Variants in STXBP4 observed in about 807,000 individuals in gnomAD.
The protein encoded by STXBP4 is syntaxin binding protein 4.
STXBP4 carries 55 observed loss-of-function variants against 76.1 expected under a neutral mutation model. The observed-to-expected ratio is 0.72, with a 90% confidence interval of 0.58 to 0.91. The LOEUF (loss-of-function observed/expected upper bound fraction) is 0.91, where lower values mean the gene tolerates loss of function less well. Ranked by LOEUF, STXBP4 falls within the 40% of genes least tolerant of loss-of-function variation. The pLI is 0.00. For synonymous variants in STXBP4, 201 were observed against 220.2 expected, an observed-to-expected ratio of 0.91 and a Z score of 0.77; for missense variants, 618 against 636.9, an observed-to-expected ratio of 0.97 and a Z score of 0.32.
chr17:55,012,158 G>A (rs867349210), intron 8 of STXBP4, among the ~76,000 whole-genome samples: 4 of 152,298 alleles, frequency 2.6e-5, no homozygotes, highest in Middle Eastern at 3.4e-3. Flanking sequence ...CTGCAGTGCA[G>A]GGGATTATTT....
At chr17:55,037,929 T>C (rs181165579) in intron 10 of STXBP4, among the ~76,000 whole-genome samples, 4 of 152,282 alleles carry the variant, frequency 2.6e-5, no homozygotes, top group Admixed American at 2.0e-4. Context: ...TGTTTTGCAG[T>C]GTAATTCCCT....
chr17:55,128,748 T>C (rs1317051211), intron 16 of STXBP4, among the ~76,000 whole-genome samples: 1 of 151,974 alleles, frequency 6.6e-6, no homozygotes, highest in Non-Finnish European at 1.5e-5. Flanking sequence ...CCCAAGTAGC[T>C]GGGATTACAG....
intron 7 of STXBP4, among the ~76,000 whole-genome samples, chr17:55,006,848 G>A (rs1192329028): frequency 6.6e-6 from 1 of 152,116 alleles, no homozygotes; most frequent in Non-Finnish European, 1.5e-5. Context: ...ACTTTTGCCA[G>A]TCGAAAAAAT....
At chr17:55,129,497 G>A (rs1215280157) in intron 16 of STXBP4, among the ~76,000 whole-genome samples, 1 of 152,116 alleles carries the variant, frequency 6.6e-6, no homozygotes, top group Non-Finnish European at 1.5e-5. Context: ...GAGGCTTGAG[G>A]CAGGAAGATC....
In STXBP4 at chr17:54,969,541, T is replaced by G. The variant is rs544145066; in HGVS notation, c.-157+726T>G. On this transcript the variant is annotated intron_variant, in intron 1 of 17. Coordinates refer to ENST00000376352, the MANE Select transcript of STXBP4 (RefSeq NM_178509.6). Reference sequence around the variant, plus strand: ...TCCTCTAAGACCTGGTGTCCTTACTTGTAAAATGGAAATCAGAACAGTAAA... The same window carrying G: ...TCCTCTAAGACCTGGTGTCCTTACTGGTAAAATGGAAATCAGAACAGTAAA... Among the ~76,000 whole-genome samples, 3 of 152,312 alleles carry G rather than the reference T, an allele frequency of 2.0e-5. No individual in the cohort carries two copies. The South Asian group carries it at 6.2e-4, about 32-fold the overall frequency.
At chr17:55,206,146 A>T in the STXBP4 span, among the ~76,000 whole-genome samples, 1 of 152,264 alleles carries the variant, frequency 6.6e-6, no homozygotes, top group East Asian at 1.9e-4. Context: ...TATTCCATAT[A>T]CATTATGTGT....
chr17:55,101,980 A>G (rs1005458082), intron 16 of STXBP4, among the ~76,000 whole-genome samples: 4 of 151,138 alleles, frequency 2.6e-5, no homozygotes, highest in African/African-American at 7.3e-5. Flanking sequence ...TATAACGACA[A>G]TAATTGAAAA....
intron 9 of STXBP4, among the ~76,000 whole-genome samples, chr17:55,033,203 G>A (rs1467613514): frequency 1.3e-5 from 2 of 151,724 alleles, no homozygotes; most frequent in South Asian, 2.1e-4. Flanking sequence ...GTGAAACCCC[G>A]TCTCTATTAA....
chr17:55,118,532 T>C (rs1263399930), intron 16 of STXBP4, among the ~76,000 whole-genome samples: 1 of 151,012 alleles, frequency 6.6e-6, no homozygotes, highest in Non-Finnish European at 1.5e-5. Flanking sequence ...TGGCAAGTTG[T>C]CTATACCAGT....
chr17:55,017,401 T>C (rs1167651915), intron 8 of STXBP4, among the ~76,000 whole-genome samples: 1 of 152,108 alleles, frequency 6.6e-6, no homozygotes, highest in Non-Finnish European at 1.5e-5. Context: ...GGGACAAGAC[T>C]CCCTGGGTTT....
At chr17:55,188,349 A>G in the STXBP4 span, among the ~76,000 whole-genome samples, 2 of 152,182 alleles carry the variant, frequency 1.3e-5, no homozygotes, top group Admixed American at 1.3e-4. Flanking sequence ...CCTGGGAAAT[A>G]TGGCATGATG....
chr17:55,015,366 TG>T (rs1479050164), intron 8 of STXBP4, among the ~76,000 whole-genome samples: 2 of 152,214 alleles, frequency 1.3e-5, no homozygotes, highest in Admixed American at 6.5e-5. Context: ...CTCTTTCCTC[TG>T]TTGTCATCCT....
At chr17:55,041,228 CTT>C (rs373020633) in intron 10 of STXBP4, among the ~76,000 whole-genome samples, 285 of 122,180 alleles carry the variant, frequency 2.3e-3, no homozygotes, top group African/African-American at 7.8e-3. Flanking sequence ...TTTATTTAAA[CTT>C]TTTTTTTTTT....
chr17:55,115,417 T>C lies in STXBP4; in HGVS notation c.1490-25893T>C, dbSNP rs116957101. On this transcript the variant is annotated intron_variant, in intron 16 of 17. Coordinates refer to ENST00000376352, the MANE Select transcript of STXBP4 (RefSeq NM_178509.6). ...CCTGTTTCTAATCTAATCAGTCTTA[T>C]AGTTCTTTGTATGTTTTCATTTGTT... Among the ~76,000 whole-genome samples the C allele has an allele frequency of 2.8e-4, 42 of 151,996 alleles. No homozygotes were observed. The East Asian group carries it at 3.3e-3, about 12-fold the overall frequency.
At chr17:55,040,044 C>T (rs1219509374) in intron 10 of STXBP4, among the ~76,000 whole-genome samples, 1 of 152,066 alleles carries the variant, frequency 6.6e-6, no homozygotes, top group Non-Finnish European at 1.5e-5. Flanking sequence ...GGGAACCTCC[C>T]AAACCCCCTT....
chr17:55,085,456 A>G (rs575494677), intron 16 of STXBP4, among the ~76,000 whole-genome samples: 1 of 152,140 alleles, frequency 6.6e-6, no homozygotes, highest in African/African-American at 2.4e-5. Context: ...TATATGGCAT[A>G]TTAGTAGATT....
intron 16 of STXBP4, among the ~76,000 whole-genome samples, chr17:55,117,897 A>G (rs751412115): frequency 1.3e-5 from 2 of 151,968 alleles, no homozygotes; most frequent in Admixed American, 6.6e-5. Context: ...ACTGTATTGA[A>G]TGAGGAATAA....
chr17:55,099,193 G>T (rs1179719350), intron 16 of STXBP4, among the ~76,000 whole-genome samples: 1 of 152,074 alleles, frequency 6.6e-6, no homozygotes, highest in South Asian at 2.1e-4. Context: ...AGCTTTTTTG[G>T]AGCGCAGTCT....
intron 4 of STXBP4, among the ~76,000 whole-genome samples, chr17:54,992,527 CA>C (rs983779562): frequency 6.7e-6 from 1 of 148,796 alleles, no homozygotes; most frequent in East Asian, 2.0e-4. Flanking sequence ...TTCAAAAAAA[CA>C]AAAAAATGAA....
Sources: allele counts gnomAD v4.1 joint callset (sites outside exome capture counted in the v4.1 genomes callset), GRCh38; gene constraint gnomAD v4.1.1; transcripts MANE v1.5; gene names NCBI Gene and HGNC (gene_info 2026-07-23, HGNC 2026-07-21).